The following CADPS2 variants were observed in gnomAD, a reference collection of about 807,000 sequenced individuals.
CADPS2 encodes calcium-dependent secretion activator 2.
A neutral mutation model predicts 172.5 loss-of-function variants in CADPS2; 93 were observed. That is an observed-to-expected ratio of 0.54 (90% CI 0.46 to 0.64). The LOEUF is 0.64. Ranked by LOEUF, CADPS2 falls within the 30% of genes least tolerant of loss-of-function variation. The pLI, the probability that CADPS2 is intolerant of heterozygous loss-of-function variation, is 0.00. For synonymous variants in CADPS2, 546 were observed against 555.2 expected (o/e 0.98, Z 0.23); for missense variants, 1,420 against 1,565.9 (o/e 0.91, Z 1.57).
In CADPS2 at chr7:122,442,014, C is replaced by T. The variant is rs568293319; in HGVS notation, c.2289-439G>A. Among the ~76,000 whole-genome samples the T allele has an allele frequency of 5.9e-5, 9 of 152,278 alleles. No individual in the cohort carries two copies. In the South Asian group the frequency reaches 1.9e-3, roughly 32 times the overall value. On this transcript the variant is annotated intron_variant, in intron 15 of 29. Transcript: ENST00000449022. ...ACCACAGCAAGATTCCAGCTCTTTC[C>T]TTTGCTGACATTTGCCTGTCTACCA...
chr7:122,611,938 A>C (rs1390678438), intron 6 of CADPS2, among the ~76,000 whole-genome samples: 1 of 152,068 alleles, frequency 6.6e-6, no homozygotes, highest in Admixed American at 6.6e-5. Flanking sequence ...ACATCATATC[A>C]ACAGAATAAA....
At chr7:122,755,540 GAGACGACA>G (rs1425895522) in intron 1 of CADPS2, among the ~76,000 whole-genome samples, 1 of 152,124 alleles carries the variant, frequency 6.6e-6, no homozygotes. Flanking sequence ...TCAGATGACA[GAGACGACA>G]CTAATTCAAA....
intron 1 of CADPS2, among the ~76,000 whole-genome samples, chr7:122,793,392 T>C (rs1296507653): frequency 2.0e-5 from 3 of 152,200 alleles, no homozygotes; most frequent in African/African-American, 7.2e-5. Flanking sequence ...TGCCCTTCTT[T>C]ATCTTTTTAA....
intron 8 of CADPS2, among the ~76,000 whole-genome samples, chr7:122,550,990 T>C (rs541788148): frequency 4.1e-4 from 63 of 152,276 alleles, no homozygotes; most frequent in African/African-American, 1.5e-3. Flanking sequence ...ATCATAGTTA[T>C]GCTTATTTGA....
rs532768349 is a variant in CADPS2 at position 122,377,396 on chromosome 7, T to G, written c.3387+1972A>C. 2.8e-4 allele frequency among the ~76,000 whole-genome samples: 43 copies of G among 152,278 alleles called. 1 individual carries two copies. In the South Asian group the frequency reaches 8.3e-3, roughly 29 times the overall value. ...AGCCCCATCTGCCTTCTCTGTACTC[T>G]TCCTTCCCACTCCCAAAGCAAAACT... On this transcript the variant is annotated intron_variant, in intron 25 of 29. Coordinates refer to ENST00000449022, the MANE Select transcript of CADPS2 (RefSeq NM_017954.11).
At chr7:122,460,978 T>C (rs1022558286) in intron 14 of CADPS2, among the ~76,000 whole-genome samples, 1 of 152,242 alleles carries the variant, frequency 6.6e-6, no homozygotes, top group Non-Finnish European at 1.5e-5. Context: ...GCCACACTAA[T>C]TCATTTCTAT....
chr7:122,840,239 T>C (rs1029201905), intron 1 of CADPS2, among the ~76,000 whole-genome samples: 7 of 151,816 alleles, frequency 4.6e-5, no homozygotes, highest in Non-Finnish European at 1.0e-4. Flanking sequence ...TGAGAACACT[T>C]GGACACAGGA....
chr7:122,808,429 A>G (rs1009251532), intron 1 of CADPS2, among the ~76,000 whole-genome samples: 4 of 152,232 alleles, frequency 2.6e-5, no homozygotes, highest in Admixed American at 6.5e-5. Context: ...TTGTTGATCA[A>G]GAACATGAAG....
At chr7:122,453,599 G>C (rs987487788) in intron 14 of CADPS2, among the ~76,000 whole-genome samples, 7 of 152,164 alleles carry the variant, frequency 4.6e-5, no homozygotes, top group Admixed American at 3.9e-4. Context: ...GATAAAAAGA[G>C]CAAATAACTT....
At chr7:122,809,143 T>G (rs1471737236) in intron 1 of CADPS2, among the ~76,000 whole-genome samples, 1 of 152,166 alleles carries the variant, frequency 6.6e-6, no homozygotes, top group Non-Finnish European at 1.5e-5. Flanking sequence ...TATTGTTTCA[T>G]ATAACAATGT....
intron 1 of CADPS2, among the ~76,000 whole-genome samples, chr7:122,853,247 A>G (rs906760204): frequency 2.0e-5 from 3 of 152,096 alleles, no homozygotes; most frequent in South Asian, 2.1e-4. Flanking sequence ...AGGTCAGGGT[A>G]TTTCTCCCCC....
At chr7:122,691,624 T>G (rs2084379722) in intron 2 of CADPS2, among the ~76,000 whole-genome samples, 1 of 152,242 alleles carries the variant, frequency 6.6e-6, no homozygotes, top group African/African-American at 2.4e-5. Context: ...GATGAGGCTA[T>G]GCATATAGTC....
chr7:122,698,168 G>T, intron 2 of CADPS2: 3 of 1,613,914 alleles, frequency 1.9e-6, no homozygotes, highest in Non-Finnish European at 2.5e-6. Context: ...TCCCCATTTG[G>T]ATTTATTTCT....
At chr7:122,604,411 C>T (rs1375270789) in intron 6 of CADPS2, among the ~76,000 whole-genome samples, 2 of 152,092 alleles carry the variant, frequency 1.3e-5, no homozygotes, top group Non-Finnish European at 2.9e-5. Context: ...GGAACCCTGC[C>T]TGTGTAAAGA....
intron 3 of CADPS2, among the ~76,000 whole-genome samples, chr7:122,641,278 AT>A (rs1413550171): frequency 2.0e-5 from 3 of 152,172 alleles, no homozygotes; most frequent in African/African-American, 7.2e-5. Flanking sequence ...TATACAGATA[AT>A]TTTGTCACTT....
At position 122,420,616 on chromosome 7, in the gene CADPS2, C is replaced by T. The variant is rs1033278199; in HGVS notation, c.2477-4452G>A. Among the ~76,000 whole-genome samples the T allele has an allele frequency of 3.8e-4, 58 of 152,300 alleles. 1 individual carries two copies. Among genetic ancestry groups the T allele is most frequent in the Admixed American group, 2.6e-4 (4 of 15,300 alleles). On this transcript the variant is annotated intron_variant, in intron 17 of 29. Transcript: ENST00000449022. ...ACATTGGGAATATTTGAGAATTCTT[C>T]CTTAAAATGTTTGTTTTCACTCATT...
chr7:122,409,008 A>G (rs1156446352), intron 19 of CADPS2, among the ~76,000 whole-genome samples: 2 of 152,248 alleles, frequency 1.3e-5, no homozygotes, highest in African/African-American at 4.8e-5. Context: ...GCCTGGCTCA[A>G]TGCTGTGACC....
chr7:122,638,302 T>C (rs1306913037), intron 3 of CADPS2, among the ~76,000 whole-genome samples: 1 of 152,142 alleles, frequency 6.6e-6, no homozygotes. Context: ...CTTTTCAGTA[T>C]TCTGAGAGGG....
chr7:122,396,784 G>T (rs2045197222), intron 20 of CADPS2, among the ~76,000 whole-genome samples: 1 of 152,070 alleles, frequency 6.6e-6, no homozygotes, highest in African/African-American at 2.4e-5. Flanking sequence ...CATACAAGTG[G>T]TCTTCTCCTG....
Sources: allele counts gnomAD v4.1 joint callset (sites outside exome capture counted in the v4.1 genomes callset), GRCh38; gene constraint gnomAD v4.1.1; transcripts MANE v1.5; gene names NCBI Gene and HGNC (gene_info 2026-07-23, HGNC 2026-07-21).